The following LMO3 variants were observed in gnomAD, a reference collection of about 807,000 sequenced individuals.
The protein encoded by LMO3 is LIM domain only 3.
Under a neutral mutation model 15.8 loss-of-function variants are expected in LMO3, and 2 were observed. The ratio of observed to expected loss-of-function variants is 0.13; its 90% CI spans 0.05 to 0.40. The LOEUF (loss-of-function observed/expected upper bound fraction) is 0.40. LMO3 is among the 10% of genes least tolerant of loss of function. LMO3 has a pLI of 0.99. For missense variants in LMO3, 86 were observed against 182.2 expected (o/e 0.47, Z 3.04); for synonymous variants, 62 against 63.8 (o/e 0.97, Z 0.13).
chr12:16,566,033 TATATATAA>T (rs1230770660), intron 2 of LMO3, among the ~76,000 whole-genome samples: 4 of 82,078 alleles, frequency 4.9e-5, no homozygotes, highest in African/African-American at 1.9e-4. Context: ...TATATATATA[TATATATAA>T]AATGGAGTAC....
Position 16,589,641 on chromosome 12 carries a change from C to T in LMO3, c.206+11014G>A, listed in dbSNP as rs1943429353. ...TGGTTTGTTTAATAACTATCACTGA[C>T]AAGATTATTTCAGATTATTTAAACA... On this transcript the variant is annotated intron_variant, in intron 2 of 3. Coordinates refer to ENST00000537304, the MANE Select transcript of LMO3 (RefSeq NM_018640.5). The surrounding 1 kb of genome is among the most constrained non-coding windows in gnomAD (Gnocchi z 4.2). 1 of 151,962 alleles carries T rather than the reference C, an allele frequency of 6.6e-6. No individual in the cohort carries two copies. Among genetic ancestry groups the T allele is most frequent in the African/African-American group, 2.4e-5 (1 of 41,354 alleles). 9.4% of individuals were successfully genotyped at this position (151,962 alleles called of 1,614,324 possible).
intron 2 of LMO3, among the ~76,000 whole-genome samples, chr12:16,564,226 G>T (rs1942508941): frequency 6.6e-6 from 1 of 152,136 alleles, no homozygotes; most frequent in South Asian, 2.1e-4. Flanking sequence ...CGGCCTACCT[G>T]TATGCTGTAT....
chr12:16,552,985 AAT>A (rs1565478806), intron 3 of LMO3, among the ~76,000 whole-genome samples: 1 of 152,106 alleles, frequency 6.6e-6, no homozygotes, highest in Non-Finnish European at 1.5e-5. Flanking sequence ...TTTGGTTTTT[AAT>A]ACCTGTGACA....
At chr12:16,609,065 C>G (rs1001874717), upstream of LMO3, 1 of 152,060 alleles carries the variant, frequency 6.6e-6, no homozygotes, top group Non-Finnish European at 1.5e-5. Flanking sequence ...AGCAGTTTTT[C>G]TCTTCATAAT....
chr12:16,597,161 T>A lies in LMO3; in HGVS notation c.206+3494A>T, dbSNP rs770549831. On this transcript the variant is annotated intron_variant, in intron 2 of 3. Transcript: ENST00000537304. This position sits in a 1 kb window ranked among gnomAD's most constrained non-coding sequence, Gnocchi z 5.0. ...ATGTTCCACAGCTAAATGAATGATA[T>A]GCCAGTCCAGTTCTGGAAAGTGAAA... Among the ~76,000 whole-genome samples the A allele has an allele frequency of 1.3e-4, 20 of 151,756 alleles. No individual in the cohort carries two copies. Among genetic ancestry groups the A allele is most frequent in the Non-Finnish European group, 2.7e-4 (18 of 67,710 alleles).
At chr12:16,605,432 G>T (rs1480638653) in intron 1 of LMO3, 20 of 632,594 alleles carry the variant, frequency 3.2e-5, no homozygotes, top group East Asian at 2.1e-4. Flanking sequence ...GCCCCTACCC[G>T]CCTGCCCCCC....
At chr12:16,608,284 C>T (rs774099195), upstream of LMO3, 7 of 151,960 alleles carry the variant, frequency 4.6e-5, no homozygotes, top group African/African-American at 1.7e-4. The surrounding 1 kb of genome is among the most constrained non-coding windows in gnomAD (Gnocchi z 4.1). Context: ...ACAAATGGTA[C>T]AGCTAATGAG....
rs530551150 is a variant in LMO3, at chr12:16,562,185, G to T, written c.207-1647C>A. On this transcript the variant is annotated intron_variant, in intron 2 of 3. Transcript: ENST00000537304. ...CTTTCATCCTATTCATTTGTAAGGA[G>T]AATTTTTTAGTTCATTCTAACATTT... 2.6e-5 allele frequency among the ~76,000 whole-genome samples: 4 copies of T among 152,234 alleles called. No individual in the cohort carries two copies. In the South Asian group the frequency reaches 8.3e-4, roughly 32 times the overall value.
intron 3 of LMO3, among the ~76,000 whole-genome samples, chr12:16,551,586 T>C (rs77407823): frequency 1.8e-3 from 269 of 151,050 alleles, no homozygotes; most frequent in East Asian, 6.6e-3. Flanking sequence ...GCACCAAAGA[T>C]GACTTGCTTT....
intron 2 of LMO3, among the ~76,000 whole-genome samples, chr12:16,595,844 T>C (rs947695361): frequency 7.3e-5 from 11 of 151,606 alleles, no homozygotes; most frequent in Admixed American, 2.6e-4. Flanking sequence ...TAAAAGTTTA[T>C]GCTTTCAGAA....
intron 1 of LMO3, 64 bp from the exon 2 acceptor site, chr12:16,600,932 CA>C: frequency 6.0e-6 from 7 of 1,166,230 alleles, no homozygotes; most frequent in Non-Finnish European, 8.7e-6. Flanking sequence ...AGACCTCAAA[CA>C]AGTTAAATAT....
At chr12:16,567,001 C>T (rs1942641865) in intron 2 of LMO3, among the ~76,000 whole-genome samples, 1 of 152,162 alleles carries the variant, frequency 6.6e-6, no homozygotes, top group South Asian at 2.1e-4. Flanking sequence ...TCGGGACCAG[C>T]CTGGCCAATA....
intron 3 of LMO3, among the ~76,000 whole-genome samples, chr12:16,551,822 ACT>A (rs1942001385): frequency 6.6e-6 from 1 of 152,012 alleles, no homozygotes; most frequent in Non-Finnish European, 1.5e-5. Flanking sequence ...GCTTTCTTTT[ACT>A]CTGTTATTAA....
At chr12:16,574,999 C>T (rs1565495014) in intron 2 of LMO3, among the ~76,000 whole-genome samples, 1 of 152,060 alleles carries the variant, frequency 6.6e-6, no homozygotes, top group Non-Finnish European at 1.5e-5. Flanking sequence ...CATAGTATGA[C>T]AAACTAGTAA....
In LMO3 at chr12:16,589,007, C is replaced by T. The variant is rs1031194752; in HGVS notation, c.206+11648G>A. 2.0e-5 allele frequency among the ~76,000 whole-genome samples: 3 copies of T among 151,970 alleles called. No individual in the cohort carries two copies. Among genetic ancestry groups the T allele is most frequent in the African/African-American group, 4.8e-5 (2 of 41,394 alleles). ...GGATTCCTATTTCTAGAGAAGAAAA[C>T]GCAGACTTGGAGAGGTTGAGTAAGT... On this transcript the variant is annotated intron_variant, in intron 2 of 3. Transcript: ENST00000537304. This position sits in a 1 kb window ranked among gnomAD's most constrained non-coding sequence, Gnocchi z 4.2.
intron 2 of LMO3, among the ~76,000 whole-genome samples, chr12:16,581,288 G>A (rs927892721): frequency 2.0e-5 from 3 of 152,122 alleles, no homozygotes; most frequent in Non-Finnish European, 4.4e-5. Context: ...TTGAATCCTA[G>A]CTCCATCACT....
At position 16,559,672 on chromosome 12, in the gene LMO3, T is replaced by A. The variant is rs1241168580; in HGVS notation, c.332+741A>T. Among the ~76,000 whole-genome samples the A allele has an allele frequency of 2.7e-5, 4 of 150,864 alleles. No homozygotes were observed. Among genetic ancestry groups the A allele is most frequent in the African/African-American group, 9.8e-5 (4 of 40,928 alleles). On this transcript the variant is annotated intron_variant, in intron 3 of 3. Transcript: ENST00000537304. The surrounding 1 kb of genome is among the most constrained non-coding windows in gnomAD (Gnocchi z 4.1). ...ATTTAAGGTAAACAGCTAGATTGGG[T>A]GGGGGTGGTGGCTCATGCCTATAAT...
chr12:16,600,671 G>A lies in LMO3; in HGVS notation c.190C>T (p.Arg64Cys), dbSNP rs888558727. 1 of 1,613,918 alleles carries A rather than the reference G, an allele frequency of 6.2e-7. No homozygotes were observed. Among genetic ancestry groups the A allele is most frequent in the Non-Finnish European group, 8.5e-7 (1 of 1,179,836 alleles). Residue 64 changes from arginine to cysteine, a missense_variant, in exon 2 of 4, where the codon CGC becomes TGC. Around this residue, in one of 3 missense-constraint regions of LMO3, gnomAD observed 51 missense variants for 140.3 expected, o/e 0.36. Transcript: ENST00000537304. ...LYTKANLILC[R>C]RDYLRLFGVT... ...AATTCCTACCTCAGATAGTCTCTGCGACAAAGGATAAGATTAGCTTTAGTG... is the reference window on the plus strand; with the variant it reads ...AATTCCTACCTCAGATAGTCTCTGCAACAAAGGATAAGATTAGCTTTAGTG...
rs933635191 is a variant in LMO3 at position 16,576,742 on chromosome 12, A to G, written c.207-16204T>C. 5.9e-5 allele frequency among the ~76,000 whole-genome samples: 9 copies of G among 152,350 alleles called. No individual in the cohort carries two copies. Among genetic ancestry groups the G allele is most frequent in the African/African-American group, 1.7e-4 (7 of 41,576 alleles). On this transcript the variant is annotated intron_variant, in intron 2 of 3. Transcript: ENST00000537304. The surrounding 1 kb of genome is among the most constrained non-coding windows in gnomAD (Gnocchi z 4.1). ...GAAATTAACATTCTTGCATTGTCCAACTATATAGACTGCATACAGGGATTT... is the reference window on the plus strand; with the variant it reads ...GAAATTAACATTCTTGCATTGTCCAGCTATATAGACTGCATACAGGGATTT...
Sources: gnomAD v4.1 joint callset for allele counts (sites outside exome capture counted in the v4.1 genomes callset) on GRCh38, gnomAD v4.1.1 for gene constraint, gnomAD v4.1.1 regional missense constraint, Gnocchi (gnomAD v3.1) non-coding constraint, MANE v1.5 for transcripts, NCBI Gene and HGNC (gene_info 2026-07-23, HGNC 2026-07-21) for gene names.